ZFHX3: variants seen among roughly 807,000 people sequenced by gnomAD.
ZFHX3 encodes the protein zinc finger homeobox protein 3.
A neutral mutation model predicts 279.1 loss-of-function variants in ZFHX3; 42 were observed. That is an observed-to-expected ratio of 0.15 (90% confidence interval 0.12 to 0.19). ZFHX3 has a LOEUF of 0.19. Ranked by LOEUF, ZFHX3 falls within the 10% of genes least tolerant of loss-of-function variation. The pLI, the probability that ZFHX3 is intolerant of heterozygous loss-of-function variation, is 1.00. For missense variants in ZFHX3, 4,981 were observed against 4,754.0 expected (o/e 1.05, Z -1.40); for synonymous variants, 2,293 against 1,957.8 (o/e 1.17, Z -4.52).
chr16:73,313,959 C>G (rs1389188085), intron 4 of ZFHX3, among the ~76,000 whole-genome samples: 1 of 152,124 alleles, frequency 6.6e-6, no homozygotes, highest in African/African-American at 2.4e-5. Context: ...ATTAGCTGGT[C>G]ATGGTGGCAC....
chr16:73,448,255 A>G lies in ZFHX3; in HGVS notation c.-1291+7748T>C, dbSNP rs117857230. On this transcript the variant is annotated intron_variant, in intron 3 of 17. Transcript: ENST00000641206. ...GGAATGAGGTATACAAAAGAGATGA[A>G]ACACCCATCTGGGAGAAAATACAAC... Among the ~76,000 whole-genome samples, 5 of 152,334 alleles carry G rather than the reference A, an allele frequency of 3.3e-5. No homozygotes were observed. The East Asian group carries it at 9.6e-4, about 29-fold the overall frequency.
intron 1 of ZFHX3, among the ~76,000 whole-genome samples, chr16:72,981,213 C>T (rs568084355): frequency 9.8e-5 from 15 of 152,310 alleles, no homozygotes; most frequent in East Asian, 9.6e-4. Context: ...CCAAGCACCA[C>T]CAGGCTGCTA....
chr16:72,996,107 AAC>A (rs10550323), intron 1 of ZFHX3, among the ~76,000 whole-genome samples: 48,654 of 146,390 alleles, frequency 0.33, 8,168 homozygotes, highest in African/African-American at 0.44. Flanking sequence ...GTCTCTACTA[AAC>A]ACACACACAC....
intron 1 of ZFHX3, among the ~76,000 whole-genome samples, chr16:73,012,619 T>C (rs1963955456): frequency 6.6e-6 from 1 of 152,206 alleles, no homozygotes; most frequent in Admixed American, 6.5e-5. Context: ...AAACTACTTA[T>C]ATCTTAATCT....
chr16:73,888,366 T>G (rs2030418966), intron 1 of ZFHX3, among the ~76,000 whole-genome samples: 1 of 152,218 alleles, frequency 6.6e-6, no homozygotes, highest in Non-Finnish European at 1.5e-5. Flanking sequence ...GAATACGGCT[T>G]TTGCCATAGT....
chr16:73,583,490 G>A (rs1007598013), intron 2 of ZFHX3, among the ~76,000 whole-genome samples: 3 of 152,170 alleles, frequency 2.0e-5, no homozygotes, highest in African/African-American at 7.2e-5. Context: ...AAGATTGTGT[G>A]TCCTGTGTGC....
In ZFHX3 at chr16:73,732,513, C is replaced by T. The variant is rs117018669; in HGVS notation, c.-1607-52273G>A. Among the ~76,000 whole-genome samples the T allele has an allele frequency of 4.6e-5, 7 of 152,316 alleles. No individual in the cohort carries two copies. In the East Asian group the frequency reaches 1.2e-3, roughly 25 times the overall value. ...TGTTTCATATGTTTTAGGATTTGTC[C>T]TGGATTTCTCTCTTACTAATGAAGT... is the stretch of plus-strand genomic sequence containing the variant. On this transcript the variant is annotated intron_variant, in intron 1 of 17. Coordinates refer to the ZFHX3 transcript ENST00000641206.
chr16:73,621,818 C>T (rs993452195), intron 2 of ZFHX3, among the ~76,000 whole-genome samples: 5 of 152,106 alleles, frequency 3.3e-5, no homozygotes, highest in East Asian at 1.9e-4. Flanking sequence ...AATCCTCCAC[C>T]GAACAGCTTA....
chr16:72,996,513 G>A (rs539266788), intron 1 of ZFHX3, among the ~76,000 whole-genome samples: 19 of 152,178 alleles, frequency 1.2e-4, no homozygotes, highest in Non-Finnish European at 2.8e-4. Flanking sequence ...CAGTTATCCA[G>A]ACATCCTTAA....
intron 5 of ZFHX3, among the ~76,000 whole-genome samples, chr16:73,170,090 G>T (rs1692393970): frequency 6.6e-6 from 1 of 152,102 alleles, no homozygotes; most frequent in African/African-American, 2.4e-5. Context: ...CTGGCACATG[G>T]TAGGCACTCA....
At chr16:73,495,463 G>A (rs1479910023) in intron 2 of ZFHX3, among the ~76,000 whole-genome samples, 1 of 152,146 alleles carries the variant, frequency 6.6e-6, no homozygotes, top group Admixed American at 6.5e-5. Context: ...AAAATGGAAC[G>A]GCTGAAATCC....
At chr16:73,242,788 G>A (rs1218926258) in intron 5 of ZFHX3, among the ~76,000 whole-genome samples, 1 of 152,232 alleles carries the variant, frequency 6.6e-6, no homozygotes, top group Non-Finnish European at 1.5e-5. Context: ...TTAACGAGCG[G>A]AGTACAGGCT....
chr16:72,958,810 C>T lies in ZFHX3; in HGVS notation c.1336G>A (p.Val446Met), dbSNP rs1226706996. Residue 446 changes from valine to methionine, a missense_variant, in exon 2 of 10, where the codon GTG becomes ATG. By Grantham distance (21) the Val-to-Met change is conservative. Around this residue, in one of 7 missense-constraint regions of ZFHX3, gnomAD observed 1,068 missense variants for 935.2 expected, o/e 1.14. Coordinates refer to ENST00000268489, the MANE Select transcript of ZFHX3 (RefSeq NM_006885.4). ...TCAGAGAAGCAATCCCCGTCGCCCA[C>T]TTCCTGCTTCTCTCCTTCTGCCGCC... Reference protein sequence around the residue: ...SGAAEGEKQEVGDGDCFSEKV... With the variant: ...SGAAEGEKQEMGDGDCFSEKV... The T allele has an allele frequency of 3.7e-6, 6 of 1,614,092 alleles. No individual in the cohort carries two copies. The Admixed American group carries it at 5.0e-5, about 13-fold the overall frequency.
intron 2 of ZFHX3, among the ~76,000 whole-genome samples, chr16:73,514,470 C>T (rs1008341250): frequency 8.6e-5 from 13 of 152,024 alleles, no homozygotes; most frequent in Admixed American, 5.3e-4. Flanking sequence ...TAGGTCCCAT[C>T]ATTATTATTA....
chr16:73,245,937 A>G lies in ZFHX3; in HGVS notation c.-1104+11110T>C, dbSNP rs369302895. On this transcript the variant is annotated intron_variant, in intron 5 of 17. Coordinates refer to the ZFHX3 transcript ENST00000641206. ...AGGGTTGAGTCCTTGGGCGTGGACC[A>G]TGATAGGCTATACTTCAGTGAGATG... Among the ~76,000 whole-genome samples the G allele has an allele frequency of 2.4e-4, 37 of 152,266 alleles. No individual in the cohort carries two copies. The Middle Eastern group carries it at 0.017, about 70-fold the overall frequency.
At chr16:73,694,093 C>A (rs1357319810) in intron 1 of ZFHX3, among the ~76,000 whole-genome samples, 5 of 151,626 alleles carry the variant, frequency 3.3e-5, no homozygotes, top group Non-Finnish European at 5.9e-5. Flanking sequence ...GAGGCCAAGG[C>A]AGGCAAATCA....
chr16:73,659,707 A>G lies in ZFHX3; in HGVS notation c.-1547+20473T>C, dbSNP rs539168643. Among the ~76,000 whole-genome samples the G allele has an allele frequency of 1.5e-3, 224 of 152,222 alleles. 1 individual carries two copies. The highest frequency in any genetic ancestry group is 4.9e-3 in the African/African-American group (202 of 41,548). On this transcript the variant is annotated intron_variant, in intron 2 of 17. Coordinates refer to the ZFHX3 transcript ENST00000641206. The stretch of plus-strand genomic sequence containing the variant: ...CCTCCATTTGCAGTTCTGTGCCCCA[A>G]TGGGAGAAGAGTATAACTGCATTCT...
chr16:72,914,075 C>G lies in ZFHX3; in HGVS notation c.3217-24113G>C, dbSNP rs60315503. Among the ~76,000 whole-genome samples the G allele has an allele frequency of 3.5e-4, 54 of 152,312 alleles. No homozygotes were observed. The East Asian group carries it at 9.7e-3, about 27-fold the overall frequency. ...TGAAGGGACAGAGGCGGGATCTGAA[C>G]CCAGGCCCCCTGGCTCTAGAGATCA... On this transcript the variant is annotated intron_variant, in intron 3 of 9. Transcript: ENST00000268489.
At chr16:73,093,637 G>A (rs780253814) in intron 7 of ZFHX3, 1 of 488,160 alleles carries the variant, frequency 2.0e-6, no homozygotes, top group Non-Finnish European at 4.1e-6. Context: ...AGTGAACTCG[G>A]CCTCTCCCCA....
Sources: gnomAD v4.1 joint callset for allele counts (sites outside exome capture counted in the v4.1 genomes callset) on GRCh38, gnomAD v4.1.1 for gene constraint, gnomAD v4.1.1 regional missense constraint, MANE v1.5 for transcripts, NCBI Gene and HGNC (gene_info 2026-07-23, HGNC 2026-07-21) for gene names.